MAGI2: variants seen among roughly 807,000 people sequenced by gnomAD.
MAGI2 encodes the protein membrane associated guanylate kinase, WW and PDZ domain containing 2.
Under a neutral mutation model 133.3 loss-of-function variants are expected in MAGI2, and 35 were observed. The ratio of observed to expected loss-of-function variants is 0.26; its 90% CI spans 0.20 to 0.35. MAGI2 has a LOEUF of 0.35. MAGI2 is among the 10% of genes least tolerant of loss of function. MAGI2 has a pLI of 1.00. For synonymous variants in MAGI2, 729 were observed against 710.6 expected (o/e 1.03, Z -0.41); for missense variants, 1,636 against 1,863.4 (o/e 0.88, Z 2.25).
At chr7:79,267,500 G>C (rs1370522597) in intron 1 of MAGI2, among the ~76,000 whole-genome samples, 1 of 152,164 alleles carries the variant, frequency 6.6e-6, no homozygotes, top group Non-Finnish European at 1.5e-5. Flanking sequence ...TGCTGGCTCG[G>C]GGTTGCCTTA....
chr7:78,568,366 GA>G (rs1801159379), intron 3 of MAGI2: 1 of 152,120 alleles, frequency 6.6e-6, no homozygotes, highest in South Asian at 2.1e-4. Context: ...CCTGAATGTG[GA>G]CGTCTCACAG....
chr7:79,066,242 T>C lies in MAGI2; in HGVS notation c.302-59036A>G, dbSNP rs376714921. Among the ~76,000 whole-genome samples, 16 of 152,088 alleles carry C rather than the reference T, an allele frequency of 1.1e-4. No individual in the cohort carries two copies. In the East Asian group the frequency reaches 2.7e-3, roughly 26 times the overall value. ...CATCTATTGTTTCCTGACTTTATAA[T>C]GGTTGCCATTCTAACCAGTGTGAGA... On this transcript the variant is annotated intron_variant, in intron 1 of 21. Transcript: ENST00000354212.
At chr7:78,276,301 T>A (rs1480652465) in intron 9 of MAGI2, among the ~76,000 whole-genome samples, 1 of 152,192 alleles carries the variant, frequency 6.6e-6, no homozygotes, top group Non-Finnish European at 1.5e-5. Flanking sequence ...TATTTTCTAC[T>A]GTCAAATGTC....
intron 4 of MAGI2, among the ~76,000 whole-genome samples, chr7:78,502,025 T>A (rs554952839): frequency 6.6e-6 from 1 of 152,302 alleles, no homozygotes; most frequent in South Asian, 2.1e-4. Flanking sequence ...TTAAAGGATG[T>A]AATGTAAGGA....
At chr7:78,408,666 A>G (rs1280030276) in intron 6 of MAGI2, among the ~76,000 whole-genome samples, 1 of 152,082 alleles carries the variant, frequency 6.6e-6, no homozygotes, top group Non-Finnish European at 1.5e-5. Flanking sequence ...CTTGAAAGGT[A>G]GCTGGTTTAA....
At chr7:78,620,668 G>A (rs1056263096) in intron 3 of MAGI2, among the ~76,000 whole-genome samples, 7 of 151,918 alleles carry the variant, frequency 4.6e-5, no homozygotes, top group African/African-American at 7.2e-5. Context: ...GGGAAATGTC[G>A]TATTTGTACT....
At chr7:78,200,296 C>G (rs1829119648) in intron 11 of MAGI2, among the ~76,000 whole-genome samples, 1 of 152,190 alleles carries the variant, frequency 6.6e-6, no homozygotes, top group African/African-American at 2.4e-5. Flanking sequence ...GCTCTTGGGA[C>G]TTGGGCAATT....
chr7:79,386,905 T>G (rs1844221152), intron 1 of MAGI2, among the ~76,000 whole-genome samples: 1 of 152,046 alleles, frequency 6.6e-6, no homozygotes, highest in African/African-American at 2.4e-5. Context: ...GGAGCCATTC[T>G]GAAGCAGAGA....
chr7:79,332,820 C>A (rs1840182788), intron 1 of MAGI2, among the ~76,000 whole-genome samples: 1 of 152,082 alleles, frequency 6.6e-6, no homozygotes, highest in African/African-American at 2.4e-5. Context: ...ATTCATCATA[C>A]CCAATCTATT....
intron 2 of MAGI2, among the ~76,000 whole-genome samples, chr7:78,943,353 G>T (rs1451872401): frequency 6.6e-6 from 1 of 152,062 alleles, no homozygotes; most frequent in South Asian, 2.1e-4. Context: ...TTTCATATGG[G>T]TTATACTTTC....
chr7:78,720,380 T>C (rs1371342240), intron 2 of MAGI2, among the ~76,000 whole-genome samples: 1 of 152,134 alleles, frequency 6.6e-6, no homozygotes, highest in Non-Finnish European at 1.5e-5. Context: ...GATCTCATCT[T>C]ATGGATGAAG....
At chr7:78,906,427 C>G (rs1797997352) in intron 2 of MAGI2, among the ~76,000 whole-genome samples, 1 of 152,168 alleles carries the variant, frequency 6.6e-6, no homozygotes. Flanking sequence ...CTATCATCAT[C>G]CTTATTTACC....
chr7:79,163,496 A>C (rs1319900627), intron 1 of MAGI2, among the ~76,000 whole-genome samples: 2 of 152,092 alleles, frequency 1.3e-5, no homozygotes, highest in Non-Finnish European at 2.9e-5. Context: ...TTAGACACTG[A>C]GGATCAGGTG....
intron 3 of MAGI2, among the ~76,000 whole-genome samples, chr7:78,593,341 G>A (rs1804246721): frequency 1.3e-5 from 2 of 151,980 alleles, no homozygotes; most frequent in African/African-American, 4.8e-5. Context: ...GCAGTGAGCT[G>A]AGATCGCACT....
chr7:79,070,084 G>T (rs187906099), intron 1 of MAGI2, among the ~76,000 whole-genome samples: 7 of 151,936 alleles, frequency 4.6e-5, no homozygotes, highest in African/African-American at 1.7e-4. Context: ...TATGTGTCTT[G>T]GGGTTTGCTC....
chr7:79,037,220 G>GA (rs564662136), intron 1 of MAGI2, among the ~76,000 whole-genome samples: 14 of 152,200 alleles, frequency 9.2e-5, no homozygotes, highest in East Asian at 7.7e-4. Flanking sequence ...ATTATGTGGG[G>GA]AAAAAATGTT....
intron 1 of MAGI2, among the ~76,000 whole-genome samples, chr7:79,426,855 C>T (rs1408209443): frequency 1.3e-5 from 2 of 152,078 alleles, no homozygotes; most frequent in Admixed American, 1.3e-4. Context: ...AACTGCCTTC[C>T]TACCTTTGCC....
chr7:78,669,775 A>G (rs1814119950), intron 2 of MAGI2, among the ~76,000 whole-genome samples: 1 of 152,214 alleles, frequency 6.6e-6, no homozygotes, highest in Admixed American at 6.5e-5. Flanking sequence ...AATATATGCA[A>G]ATCAATAAAT....
chr7:78,366,117 G>A (rs1355383581), intron 7 of MAGI2, among the ~76,000 whole-genome samples: 2 of 152,092 alleles, frequency 1.3e-5, no homozygotes, highest in African/African-American at 4.8e-5. Context: ...ACATAAGAAT[G>A]ATAGCTGTAC....
Sources: gnomAD v4.1 joint callset for allele counts (sites outside exome capture counted in the v4.1 genomes callset) on GRCh38, gnomAD v4.1.1 for gene constraint, MANE v1.5 for transcripts, NCBI Gene and HGNC (gene_info 2026-07-23, HGNC 2026-07-21) for gene names.